Variants in PFKFB1 observed in about 807,000 individuals in gnomAD.
PFKFB1 encodes the protein 6-phosphofructo-2-kinase/fructose-2,6-bisphosphatase 1.
PFKFB1 carries 34 observed loss-of-function variants against 46.4 expected under a neutral mutation model. The ratio of observed to expected loss-of-function variants is 0.73; its 90% CI spans 0.56 to 0.98. The LOEUF is 0.98. PFKFB1 is among the 50% of genes least tolerant of loss of function. The pLI is 0.00. For missense variants in PFKFB1, 393 were observed against 376.3 expected, an observed-to-expected ratio of 1.04 and a Z score of -0.37; for synonymous variants, 119 against 133.8, an observed-to-expected ratio of 0.89 and a Z score of 0.76.
chrX:54,951,838 C>A lies in PFKFB1; in HGVS notation c.846+67G>T, dbSNP rs1456311081. The A allele has an allele frequency of 3.2e-6, 3 of 943,158 alleles. No individual in the cohort carries two copies. In the African/African-American group the frequency reaches 5.8e-5, roughly 18 times the overall value. 77.7% of individuals were successfully genotyped at this position (943,158 alleles called of 1,213,427 possible). ...CACCTCAGGACCCAGAATGTGGCCA[C>A]CACTACACCTGCAGCCCACCTAGGA... On this transcript the variant is annotated intron_variant, in intron 8 of 13. Coordinates refer to ENST00000375006, the MANE Select transcript of PFKFB1 (RefSeq NM_002625.4).
chrX:54,993,827 T>G (rs1935305628), intron 1 of PFKFB1, 84 bp downstream of exon 1: 2 of 1,113,331 alleles, frequency 1.8e-6, no homozygotes, highest in Admixed American at 6.1e-5. Flanking sequence ...TAGGAGTGGA[T>G]GGCAAGGGGA....
intron 1 of PFKFB1, among the ~76,000 whole-genome samples, chrX:54,987,476 A>G (rs1401201659): frequency 2.7e-5 from 3 of 111,365 alleles, no homozygotes; most frequent in Admixed American, 9.6e-5. Flanking sequence ...AGGCACATAT[A>G]TTAGAAGAAA....
chrX:54,940,129 A>C (rs1933565306), intron 10 of PFKFB1, among the ~76,000 whole-genome samples: 1 of 112,347 alleles, frequency 8.9e-6, no homozygotes, highest in Non-Finnish European at 1.9e-5. Context: ...AAACAGAACC[A>C]ATGACAAAAA....
chrX:54,978,394 T>A (rs1355982515), intron 1 of PFKFB1, among the ~76,000 whole-genome samples: 1 of 111,122 alleles, frequency 9.0e-6, no homozygotes, highest in Non-Finnish European at 1.9e-5. Context: ...AAGCAGAAAA[T>A]CATCATTAGA....
At chrX:54,939,770 T>A (rs1433307362) in intron 10 of PFKFB1, among the ~76,000 whole-genome samples, 2 of 111,391 alleles carry the variant, frequency 1.8e-5, no homozygotes. Flanking sequence ...CAACCAAAAA[T>A]AGTCCAGGAC....
At chrX:54,952,929 TTG>T (rs1569546827) in intron 7 of PFKFB1, among the ~76,000 whole-genome samples, 1 of 110,689 alleles carries the variant, frequency 9.0e-6, no homozygotes, top group African/African-American at 3.3e-5. Flanking sequence ...ATTGGGGAAC[TTG>T]TGGTCCTTGT....
chrX:54,950,238 G>A (rs1333637735), intron 8 of PFKFB1, among the ~76,000 whole-genome samples: 5 of 112,399 alleles, frequency 4.4e-5, no homozygotes, highest in South Asian at 3.7e-4. Flanking sequence ...AGGAGTCAGC[G>A]TGCTCTGGTG....
intron 1 of PFKFB1, among the ~76,000 whole-genome samples, chrX:54,975,800 C>T (rs1313516013): frequency 2.7e-5 from 3 of 110,999 alleles, no homozygotes; most frequent in African/African-American, 9.8e-5. Flanking sequence ...AAATTTTGGA[C>T]AAAGTCAACT....
chrX:54,965,871 A>G (rs1387108924), intron 1 of PFKFB1, among the ~76,000 whole-genome samples: 1 of 111,391 alleles, frequency 9.0e-6, no homozygotes, highest in East Asian at 2.8e-4. Flanking sequence ...AATGTACATT[A>G]CAAACTTAAT....
rs767080295 is a variant in PFKFB1 at position 54,944,391 on chromosome X, T to C, written c.1098+1048A>G. Among the ~76,000 whole-genome samples the C allele has an allele frequency of 2.7e-4, 30 of 111,534 alleles. No homozygotes were observed. The South Asian group carries it at 0.011, about 42-fold the overall frequency. On this transcript the variant is annotated intron_variant, in intron 10 of 13. Transcript: ENST00000375006. ...AAACTAAAAAAGTTAGTAATTACAA[T>C]AAAAGTAAATATACCAAACTTACCA...
intron 9 of PFKFB1, among the ~76,000 whole-genome samples, chrX:54,947,116 C>A (rs1461886958): frequency 9.0e-6 from 1 of 111,389 alleles, no homozygotes; most frequent in Admixed American, 9.6e-5. Flanking sequence ...CTCCCTATCC[C>A]TGTCTCTCTG....
Position 54,937,682 on chromosome X carries a change from C to T in PFKFB1, c.1141G>A (p.Glu381Lys). The T allele has an allele frequency of 2.5e-6, 3 of 1,206,531 alleles. No individual in the cohort carries two copies. Among genetic ancestry groups the T allele is most frequent in the Non-Finnish European group, 3.4e-6 (3 of 890,810 alleles). ...LVQRLEPVIM[E>K]LERQENVLVI... The stretch of plus-strand genomic sequence containing the variant: ...AGTACATTCTCCTGTCGTTCTAGCT[C>T]CATTATCACTGGCTCCAGACGCTGA... Residue 381 changes from glutamate to lysine, a missense_variant, in exon 11 of 14, where the codon GAG (glutamate) becomes AAG (lysine). By Grantham distance (56) the Glu-to-Lys change is moderately conservative (BLOSUM62 1). Coordinates refer to ENST00000375006, the MANE Select transcript of PFKFB1 (RefSeq NM_002625.4).
upstream of PFKFB1, chrX:54,994,505 C>T: frequency 1.3e-6 from 1 of 754,135 alleles, no homozygotes; most frequent in South Asian, 6.7e-5. Flanking sequence ...AAAAAATGGG[C>T]CCAAGTAGAA....
intron 2 of PFKFB1, among the ~76,000 whole-genome samples, chrX:54,962,376 G>A (rs146044815): frequency 0.045 from 5,032 of 111,634 alleles, 305 homozygotes; most frequent in African/African-American, 0.16. Flanking sequence ...TTCATACAGC[G>A]CCCTGCTCCT....
intron 9 of PFKFB1, among the ~76,000 whole-genome samples, chrX:54,946,680 A>T (rs964232484): frequency 4.5e-5 from 5 of 111,938 alleles, no homozygotes; most frequent in African/African-American, 1.6e-4. Context: ...GAGTACTAGG[A>T]GCCTGTCGCC....
rs1172922955 is a variant in PFKFB1 at position 54,952,104 on chromosome X, G to C, written c.647C>G (p.Ser216Cys). The C allele has an allele frequency of 4.1e-6, 5 of 1,207,774 alleles. No individual in the cohort carries two copies. The Admixed American group carries it at 1.1e-4, about 26-fold the overall frequency. Residue 216 changes from serine to cysteine, a missense_variant, in exon 8 of 14, where the codon TCC becomes TGC. Physicochemically the swap from Ser to Cys is moderately radical, Grantham distance 112 (BLOSUM62 -1). Coordinates refer to ENST00000375006, the MANE Select transcript of PFKFB1 (RefSeq NM_002625.4). ...PLDEELDSHL[S>C]YIKIFDVGTR... ...GCCCACGTCGAAGATCTTGATGTAG[G>C]ACAGGTGGCTGGGCCAGACCCAAGC...
At chrX:54,983,926 G>A (rs1302780916) in intron 1 of PFKFB1, among the ~76,000 whole-genome samples, 3 of 111,797 alleles carry the variant, frequency 2.7e-5, no homozygotes, top group Non-Finnish European at 5.7e-5. Flanking sequence ...CAGTGATGTT[G>A]AGCATTTTTT....
In PFKFB1 at chrX:54,960,498, T is replaced by A. The variant is rs189960148; in HGVS notation, c.317+326A>T. ...ATGCCTCAAATGCTAAGCTGAGAAG[T>A]TTCTACTCTCTCCTGTCAGAAGTAG... is the stretch of plus-strand genomic sequence containing the variant. On this transcript the variant is annotated intron_variant, in intron 3 of 13. Transcript: ENST00000375006. Among the ~76,000 whole-genome samples the A allele has an allele frequency of 8.0e-5, 9 of 112,278 alleles. No individual in the cohort carries two copies. In the East Asian group the frequency reaches 2.3e-3, roughly 28 times the overall value.
At chrX:54,955,897 G>T (rs1469364330) in intron 7 of PFKFB1, among the ~76,000 whole-genome samples, 2 of 112,055 alleles carry the variant, frequency 1.8e-5, no homozygotes, top group Non-Finnish European at 1.9e-5. Flanking sequence ...ACCCACAGGA[G>T]GGGGGCATTT....
Sources: allele counts gnomAD v4.1 joint callset (sites outside exome capture counted in the v4.1 genomes callset), GRCh38; gene constraint gnomAD v4.1.1; transcripts MANE v1.5; gene names NCBI Gene and HGNC (gene_info 2026-07-23, HGNC 2026-07-21).